ADCY2: variants seen among roughly 807,000 people sequenced by gnomAD.
ADCY2 encodes the protein adenylate cyclase 2, also known as adenylate cyclase type 2.
A neutral mutation model predicts 125.2 loss-of-function variants in ADCY2; 31 were observed. The ratio of observed to expected loss-of-function variants is 0.25; its 90% confidence interval spans 0.19 to 0.33. ADCY2 has a LOEUF of 0.33. ADCY2 is among the 10% of genes least tolerant of loss of function. The pLI, the probability that ADCY2 is intolerant of heterozygous loss-of-function variation, is 1.00. For synonymous variants in ADCY2, 512 were observed against 548.4 expected (o/e 0.93, Z 0.93); for missense variants, 904 against 1,418.2 (o/e 0.64, Z 5.82).
chr5:7,589,237 G>C (rs989052876), intron 3 of ADCY2, among the ~76,000 whole-genome samples: 1 of 151,728 alleles, frequency 6.6e-6, no homozygotes, highest in Non-Finnish European at 1.5e-5. Context: ...ATTTTTTAAA[G>C]ACTTTAGTAA....
At chr5:7,628,716 T>G (rs1330037136) in intron 4 of ADCY2, among the ~76,000 whole-genome samples, 3 of 152,130 alleles carry the variant, frequency 2.0e-5, no homozygotes, top group African/African-American at 7.2e-5. Flanking sequence ...TAGAATGCAG[T>G]ACCTTTCTTG....
chr5:7,799,934 C>T (rs749517591), intron 20 of ADCY2: 1 of 152,214 alleles, frequency 6.6e-6, no homozygotes, highest in Non-Finnish European at 1.5e-5. Context: ...CTCCAACTCC[C>T]AGACACCCTT....
chr5:7,789,606 C>A, intron 19 of ADCY2, 36 bp from the exon 20 acceptor site: 1 of 1,591,000 alleles, frequency 6.3e-7, no homozygotes, highest in South Asian at 1.1e-5. Flanking sequence ...GACAAGATGC[C>A]TATTGTTTCT....
intron 2 of ADCY2, among the ~76,000 whole-genome samples, chr5:7,518,315 C>A (rs1038814507): frequency 2.6e-5 from 4 of 152,112 alleles, no homozygotes; most frequent in Non-Finnish European, 5.9e-5. Flanking sequence ...GTGCCCCAGC[C>A]TGCCTGTGTA....
At chr5:7,449,964 T>C (rs372415060) in intron 2 of ADCY2, among the ~76,000 whole-genome samples, 28 of 152,320 alleles carry the variant, frequency 1.8e-4, no homozygotes, top group African/African-American at 5.8e-4. Flanking sequence ...GACGGTGAAC[T>C]TAATACATGC....
At chr5:7,443,376 G>A (rs151025142) in intron 2 of ADCY2, among the ~76,000 whole-genome samples, 1 of 152,062 alleles carries the variant, frequency 6.6e-6, no homozygotes, top group East Asian at 1.9e-4. Context: ...TACAAGGCCG[G>A]GCGTGATGGC....
chr5:7,430,737 C>T (rs1334938954), intron 2 of ADCY2, among the ~76,000 whole-genome samples: 1 of 151,718 alleles, frequency 6.6e-6, no homozygotes, highest in Non-Finnish European at 1.5e-5. Context: ...CTTTTGTAGT[C>T]TTACATATTG....
intron 3 of ADCY2, among the ~76,000 whole-genome samples, chr5:7,580,037 C>A (rs1027185059): frequency 6.6e-6 from 1 of 152,088 alleles, no homozygotes; most frequent in Non-Finnish European, 1.5e-5. Flanking sequence ...AACAAACATT[C>A]TCAGTAATAA....
At chr5:7,431,024 C>CAGCA (rs1740578678) in intron 2 of ADCY2, among the ~76,000 whole-genome samples, 1 of 152,104 alleles carries the variant, frequency 6.6e-6, no homozygotes, top group African/African-American at 2.4e-5. Context: ...ATTGAAGTCC[C>CAGCA]AGCAAGCTTT....
intron 12 of ADCY2, 121 bp downstream of exon 12, chr5:7,717,358 C>T: frequency 1.8e-6 from 1 of 560,138 alleles, no homozygotes; most frequent in South Asian, 3.8e-5. Context: ...TCATTCATTT[C>T]ACTTCAGTTG....
intron 7 of ADCY2, among the ~76,000 whole-genome samples, chr5:7,703,275 TG>T (rs1229205217): frequency 6.6e-6 from 1 of 152,234 alleles, no homozygotes; most frequent in Admixed American, 6.5e-5. Context: ...TTGCTTTTGG[TG>T]TTTTAGACAT....
At chr5:7,620,376 G>A (rs1737916638) in intron 3 of ADCY2, among the ~76,000 whole-genome samples, 1 of 152,040 alleles carries the variant, frequency 6.6e-6, no homozygotes, top group South Asian at 2.1e-4. Flanking sequence ...GAGATTGTTG[G>A]TGTTTCAGTC....
intron 23 of ADCY2, among the ~76,000 whole-genome samples, chr5:7,818,964 C>T (rs531390037): frequency 9.9e-5 from 15 of 152,260 alleles, no homozygotes; most frequent in African/African-American, 3.6e-4. Flanking sequence ...AATCACAAGG[C>T]GAGGTCCCAC....
chr5:7,642,679 T>A (rs1738750964), intron 4 of ADCY2, among the ~76,000 whole-genome samples: 1 of 152,050 alleles, frequency 6.6e-6, no homozygotes, highest in Non-Finnish European at 1.5e-5. Context: ...CTGTCCAAGG[T>A]CAACATTAAA....
At chr5:7,498,110 G>T (rs1332795348) in intron 2 of ADCY2, among the ~76,000 whole-genome samples, 2 of 151,968 alleles carry the variant, frequency 1.3e-5, no homozygotes, top group African/African-American at 4.8e-5. Context: ...TAAAATGAAA[G>T]TAGAGACAAG....
chr5:7,526,091 A>C (rs1051602236), intron 3 of ADCY2, among the ~76,000 whole-genome samples: 2 of 152,138 alleles, frequency 1.3e-5, no homozygotes, highest in African/African-American at 2.4e-5. Context: ...ACACCCACGC[A>C]TGTGGGGCTG....
chr5:7,674,991 TA>T (rs886334399), intron 4 of ADCY2, among the ~76,000 whole-genome samples: 2 of 151,926 alleles, frequency 1.3e-5, no homozygotes, highest in Non-Finnish European at 2.9e-5. Context: ...CCGTCTCTAC[TA>T]AAAATACAAA....
At chr5:7,691,006 C>T (rs1740684910) in intron 5 of ADCY2, 167 bp downstream of exon 5, 5 of 692,630 alleles carry the variant, frequency 7.2e-6, no homozygotes. Context: ...GTTCCTGCCT[C>T]TCAGGGCCTT....
At chr5:7,585,333 C>T (rs1414516081) in intron 3 of ADCY2, among the ~76,000 whole-genome samples, 3 of 152,128 alleles carry the variant, frequency 2.0e-5, no homozygotes, top group African/African-American at 4.8e-5. Flanking sequence ...CCATTCCACA[C>T]GTATTCATCC....
Sources: gnomAD v4.1 joint callset for allele counts (sites outside exome capture counted in the v4.1 genomes callset) on GRCh38, gnomAD v4.1.1 for gene constraint, MANE v1.5 for transcripts, NCBI Gene and HGNC (gene_info 2026-07-23, HGNC 2026-07-21) for gene names.